SRGAP2: variants seen among roughly 807,000 people sequenced by gnomAD.
SRGAP2 encodes the protein SLIT-ROBO Rho GTPase-activating protein 2.
SRGAP2 carries 15 observed loss-of-function variants against 57.2 expected under a neutral mutation model. The observed-to-expected ratio is 0.26, with a 90% confidence interval of 0.18 to 0.40. SRGAP2 has a LOEUF of 0.40. Among genes scored for constraint, SRGAP2 ranks in the 10% least tolerant of loss-of-function variants. The pLI is 1.00. For missense variants in SRGAP2, 520 were observed against 669.6 expected, an observed-to-expected ratio of 0.78 and a Z score of 2.47; for synonymous variants, 249 against 248.0, an observed-to-expected ratio of 1.00 and a Z score of -0.04.
At chr1:206,443,492 A>C (rs1337029286) in intron 17 of SRGAP2, among the ~76,000 whole-genome samples, 1 of 152,176 alleles carries the variant, frequency 6.6e-6, no homozygotes, top group African/African-American at 2.4e-5. Context: ...CTCCTGCCTC[A>C]GTCTCCCGAG....
chr1:206,394,713 A>G (rs1270299486), intron 7 of SRGAP2, among the ~76,000 whole-genome samples: 1 of 151,816 alleles, frequency 6.6e-6, no homozygotes, highest in Non-Finnish European at 1.5e-5. Context: ...TGCAAGGGGC[A>G]AGCGCAGGGA....
intron 7 of SRGAP2, among the ~76,000 whole-genome samples, chr1:206,394,120 C>G (rs1657328957): frequency 7.9e-6 from 1 of 126,474 alleles, no homozygotes; most frequent in Non-Finnish European, 1.6e-5. Context: ...AATCTTGGCT[C>G]ACTGCAACCT....
chr1:206,446,006 C>T (rs1558441668), intron 17 of SRGAP2, 69 bp from the exon 18 acceptor site: 1 of 756,234 alleles, frequency 1.3e-6, no homozygotes, highest in Non-Finnish European at 2.5e-6. Flanking sequence ...GGCAGCGCCT[C>T]CTGTGATTGT....
At chr1:206,426,399 T>C (rs1417705499) in intron 13 of SRGAP2, among the ~76,000 whole-genome samples, 2 of 152,230 alleles carry the variant, frequency 1.3e-5, no homozygotes, top group Non-Finnish European at 2.9e-5. Flanking sequence ...TGCTTCCATA[T>C]CTCAGCTATT....
intron 5 of SRGAP2, among the ~76,000 whole-genome samples, chr1:206,389,870 TAGA>T (rs1216287895): frequency 2.0e-5 from 3 of 151,082 alleles, no homozygotes; most frequent in African/African-American, 7.3e-5. Context: ...TATATATAGA[TAGA>T]AGTATGTATA....
At chr1:206,284,653 T>G in intron 2 of SRGAP2, among the ~76,000 whole-genome samples, 1 of 152,230 alleles carries the variant, frequency 6.6e-6, no homozygotes, top group East Asian at 1.9e-4. Context: ...TTCGCCATGT[T>G]GGCCAGGCTG....
intron 4 of SRGAP2, among the ~76,000 whole-genome samples, chr1:206,372,964 C>CTTTCTTTCTTTCTTTCCTTT (rs1553342935): frequency 4.3e-5 from 1 of 23,358 alleles, no homozygotes; most frequent in African/African-American, 2.0e-4. Flanking sequence ...TCTTTTCTTT[C>CTTTCTTTCTTTCTTTCCTTT]CTTTCTTTCT....
At chr1:206,453,140 C>G in intron 19 of SRGAP2, 60 bp from the exon 20 acceptor site, 1 of 455,582 alleles carries the variant, frequency 2.2e-6, no homozygotes, top group Non-Finnish European at 4.1e-6. Context: ...CTTTTCCACC[C>G]AGTTTCCTGA....
intron 2 of SRGAP2, among the ~76,000 whole-genome samples, chr1:206,220,846 C>T (rs1206195064): frequency 6.6e-6 from 1 of 152,084 alleles, no homozygotes; most frequent in Non-Finnish European, 1.5e-5. Flanking sequence ...CCCCTCCCCT[C>T]CTCACTTCCT....
chr1:206,450,929 C>G (rs1466642414), intron 19 of SRGAP2, among the ~76,000 whole-genome samples: 6 of 145,032 alleles, frequency 4.1e-5, no homozygotes, highest in African/African-American at 1.6e-4. Context: ...CTAGGCAACA[C>G]AGCCAGACCC....
intron 2 of SRGAP2, among the ~76,000 whole-genome samples, chr1:206,241,862 C>A: frequency 6.6e-6 from 1 of 150,782 alleles, no homozygotes; most frequent in South Asian, 2.1e-4. Flanking sequence ...AAAAGGTGAC[C>A]CAAATTACTT....
At chr1:206,442,657 C>G (rs1407677381) in intron 17 of SRGAP2, among the ~76,000 whole-genome samples, 1 of 152,038 alleles carries the variant, frequency 6.6e-6, no homozygotes, top group African/African-American at 2.4e-5. Flanking sequence ...GGGTTTTTTT[C>G]TGATTGAAAC....
At chr1:206,438,242 C>T (rs896787704) in intron 16 of SRGAP2, 144 bp downstream of exon 16, 21 of 608,452 alleles carry the variant, frequency 3.5e-5, no homozygotes, top group African/African-American at 3.3e-4. Flanking sequence ...CTCAGCCTCA[C>T]TCCTTCATCC....
intron 3 of SRGAP2, among the ~76,000 whole-genome samples, chr1:206,312,448 G>A (rs565112356): frequency 3.3e-5 from 5 of 152,040 alleles, no homozygotes; most frequent in Admixed American, 1.3e-4. Context: ...AAGCCATTAC[G>A]CTGTCAGCCT....
chr1:206,284,918 C>A (rs1218584585), intron 2 of SRGAP2, among the ~76,000 whole-genome samples: 1 of 152,208 alleles, frequency 6.6e-6, no homozygotes, highest in South Asian at 2.1e-4. Flanking sequence ...CACCCCTAAT[C>A]GTTGTGCATA....
chr1:206,309,775 A>G (rs1672498940), intron 3 of SRGAP2, among the ~76,000 whole-genome samples: 1 of 151,580 alleles, frequency 6.6e-6, no homozygotes, highest in African/African-American at 2.4e-5. Context: ...ATGACTGGGG[A>G]TAGCTAGCAG....
intron 10 of SRGAP2, among the ~76,000 whole-genome samples, chr1:206,412,432 T>G (rs1269720195): frequency 6.6e-6 from 1 of 152,230 alleles, no homozygotes; most frequent in African/African-American, 2.4e-5. Flanking sequence ...TTGATTTTAT[T>G]TTGGTGAATA....
chr1:206,440,164 C>T, intron 17 of SRGAP2, 83 bp downstream of exon 17: 1 of 720,748 alleles, frequency 1.4e-6, no homozygotes, highest in Admixed American at 2.0e-5. Context: ...GCCTATTCAT[C>T]CATCCCAACA....
At chr1:206,440,941 C>T (rs1178015551) in intron 17 of SRGAP2, among the ~76,000 whole-genome samples, 1 of 152,082 alleles carries the variant, frequency 6.6e-6, no homozygotes, top group Non-Finnish European at 1.5e-5. Flanking sequence ...ACAGGGAGAC[C>T]CTATCCCAAG....
Sources: allele counts gnomAD v4.1 joint callset (sites outside exome capture counted in the v4.1 genomes callset), GRCh38; gene constraint gnomAD v4.1.1; transcripts MANE v1.5; gene names NCBI Gene and HGNC (gene_info 2026-07-23, HGNC 2026-07-21).